CCDC88A: variants seen among roughly 807,000 people sequenced by gnomAD.
The protein encoded by CCDC88A is coiled-coil and HOOK domain protein 88A, also known as girdin.
A neutral mutation model predicts 234.3 loss-of-function variants in CCDC88A; 54 were observed. The observed-to-expected ratio is 0.23, with a 90% CI of 0.19 to 0.29. The LOEUF is 0.29. Among genes scored for constraint, CCDC88A ranks in the 10% least tolerant of loss-of-function variants. CCDC88A has a pLI of 1.00. For missense variants in CCDC88A, 1,832 were observed against 2,123.4 expected (o/e 0.86, Z 2.70); for synonymous variants, 753 against 737.8 (o/e 1.02, Z -0.33).
At position 55,372,458 on chromosome 2, in the gene CCDC88A, T is replaced by C. The variant is rs779549722; in HGVS notation, c.396A>G (p.Ala132=). The C allele has an allele frequency of 6.7e-7, 1 of 1,502,922 alleles. No individual in the cohort carries two copies. The highest frequency in any genetic ancestry group is 1.4e-5 in the African/African-American group (1 of 72,708). 93.1% of individuals were successfully genotyped at this position (1,502,922 alleles called of 1,614,324 possible). A position where few individuals can be genotyped will look rare whatever the true frequency, so the allele number is the denominator to read the frequency against. Residue 132 remains alanine, a synonymous_variant, in exon 5 of 33, where the codon GCA becomes GCG. Coordinates refer to ENST00000436346, the MANE Select transcript of CCDC88A (RefSeq NM_001365480.1). The part of the protein sequence containing the change: ...KKLLLLLLGC[A]VQCQKKEEFI... ...AAAAAATATTTTAACTTACCTGAACTGCACAACCCAATAAAAGTAAAAGCA... is the reference window on the plus strand; with the variant it reads ...AAAAAATATTTTAACTTACCTGAACCGCACAACCCAATAAAAGTAAAAGCA...
chr2:55,340,300 CT>C (rs1312586306), intron 12 of CCDC88A: 1 of 152,170 alleles, frequency 6.6e-6, no homozygotes, highest in Non-Finnish European at 1.5e-5. Flanking sequence ...AATAAAGGTA[CT>C]GGAGAGAATT....
chr2:55,300,073 T>G, intron 28 of CCDC88A, 154 bp from the exon 29 acceptor site: 1 of 602,824 alleles, frequency 1.7e-6, no homozygotes, highest in South Asian at 1.9e-5. Flanking sequence ...TTCCAGATAG[T>G]TCATTGAGAC....
Position 55,344,381 on chromosome 2 carries a change from T to G in CCDC88A, c.1175A>C (p.His392Pro). 1.9e-6 allele frequency: 3 copies of G among 1,580,136 alleles called. No individual in the cohort carries two copies. The highest frequency in any genetic ancestry group is 2.6e-6 in the Non-Finnish European group (3 of 1,163,614). The stretch of plus-strand genomic sequence containing the variant: ...CTTAAAACTTACCATTTCCATATCA[T>G]GAAGTTTAGCTTTCAGTTGTAAGTT... ...KENLQLKAKL[H>P]DMEMERDMDR... The change falls in exon 11 of 33, where the codon CAT becomes CCT. Residue 392 changes from histidine (H) to proline (P), a missense_variant. Around this residue, in one of 6 missense-constraint regions of CCDC88A, gnomAD observed 1,282 missense variants for 1,543.6 expected, o/e 0.83. Transcript: ENST00000436346.
At chr2:55,378,738 C>CTTTTT (rs79242911) in intron 3 of CCDC88A, among the ~76,000 whole-genome samples, 4 of 142,948 alleles carry the variant, frequency 2.8e-5, no homozygotes, top group Non-Finnish European at 6.1e-5. Context: ...TACACATATA[C>CTTTTT]TTTTTTTTTT....
intron 2 of CCDC88A, among the ~76,000 whole-genome samples, chr2:55,392,350 C>G (rs1676788597): frequency 6.6e-6 from 1 of 152,132 alleles, no homozygotes; most frequent in African/African-American, 2.4e-5. Flanking sequence ...TTGTCATATT[C>G]TGCATGAGCA....
chr2:55,381,419 G>A (rs903542200), intron 3 of CCDC88A, among the ~76,000 whole-genome samples: 8 of 151,956 alleles, frequency 5.3e-5, no homozygotes, highest in African/African-American at 1.9e-4. Flanking sequence ...CGGGTGTAGT[G>A]GCATGCGCCT....
intron 3 of CCDC88A, among the ~76,000 whole-genome samples, chr2:55,385,190 G>C (rs377028694): frequency 5.3e-5 from 8 of 151,998 alleles, no homozygotes; most frequent in African/African-American, 1.9e-4. Context: ...GACAGATCCA[G>C]ATCTGTACAT....
intron 17 of CCDC88A, among the ~76,000 whole-genome samples, chr2:55,326,589 G>T (rs907874986): frequency 3.3e-5 from 5 of 152,070 alleles, no homozygotes; most frequent in African/African-American, 7.2e-5. Context: ...TTGAGACAGG[G>T]TCTCACTCTG....
At chr2:55,383,893 T>C (rs971480469) in intron 3 of CCDC88A, among the ~76,000 whole-genome samples, 2 of 152,136 alleles carry the variant, frequency 1.3e-5, no homozygotes, top group Middle Eastern at 3.2e-3. Context: ...GTCTATTAAC[T>C]GTATATATAA....
chr2:55,302,403 A>ATTC (rs1681003391), intron 26 of CCDC88A, among the ~76,000 whole-genome samples: 1 of 152,230 alleles, frequency 6.6e-6, no homozygotes, highest in Non-Finnish European at 1.5e-5. Context: ...TTTTGTGGTG[A>ATTC]CAAAAATGGA....
intron 22 of CCDC88A, chr2:55,312,956 G>A (rs1558648548): frequency 6.0e-6 from 1 of 167,718 alleles, no homozygotes; most frequent in African/African-American, 2.4e-5. Context: ...TCTATGAAAT[G>A]AGGATAGCTC....
At chr2:55,372,584 T>A (rs1255813808) in intron 4 of CCDC88A, 74 bp from the exon 5 acceptor site, 1 of 738,108 alleles carries the variant, frequency 1.4e-6, no homozygotes, top group Non-Finnish European at 2.3e-6. Flanking sequence ...GAATCACTTC[T>A]AGAGGTAATT....
chr2:55,371,085 G>A (rs931110392), intron 5 of CCDC88A, among the ~76,000 whole-genome samples: 1 of 152,024 alleles, frequency 6.6e-6, no homozygotes, highest in Non-Finnish European at 1.5e-5. Flanking sequence ...GCAATAACCA[G>A]CAATAAAAAC....
At chr2:55,388,099 A>G (rs1301550253) in intron 3 of CCDC88A, among the ~76,000 whole-genome samples, 4 of 152,216 alleles carry the variant, frequency 2.6e-5, no homozygotes, top group African/African-American at 4.8e-5. Flanking sequence ...TCAAGCACAC[A>G]TAGAACTTTA....
intron 17 of CCDC88A, among the ~76,000 whole-genome samples, chr2:55,326,771 ATG>A (rs2104660331): frequency 6.6e-6 from 1 of 152,254 alleles, no homozygotes; most frequent in South Asian, 2.1e-4. Context: ...GGGTTTCACC[ATG>A]TCAGCAAGGC....
At chr2:55,352,451 C>CA (rs144133002) in intron 8 of CCDC88A, among the ~76,000 whole-genome samples, 10,114 of 150,126 alleles carry the variant, frequency 0.067, 1,100 homozygotes, top group African/African-American at 0.22. Context: ...CAAAAAAACA[C>CA]AAAAAAACAA....
Position 55,309,190 on chromosome 2 carries a change from T to G in CCDC88A, c.4144A>C (p.Lys1382Gln). The change falls in exon 24 of 33, where the codon AAA becomes CAA. Residue 1382 changes from lysine (K) to glutamine (Q), a missense_variant. Coordinates refer to ENST00000436346, the MANE Select transcript of CCDC88A (RefSeq NM_001365480.1). This position sits in a 1 kb window ranked among gnomAD's most constrained non-coding sequence, Gnocchi z 5.1. ...CTAGGAGGAGATGGGTCATAAAATT[T>G]GTATTGATCCATAATTTTCTCTTCT... ...KLEEKIMDQY[K>Q]FYDPSPPRRR... 2.6e-6 allele frequency: 4 copies of G among 1,562,406 alleles called. No homozygotes were observed. The highest frequency in any genetic ancestry group is 3.5e-6 in the Non-Finnish European group (4 of 1,140,612).
At chr2:55,410,976 G>A (rs1333565382) in intron 2 of CCDC88A, among the ~76,000 whole-genome samples, 5 of 151,906 alleles carry the variant, frequency 3.3e-5, no homozygotes, top group African/African-American at 2.4e-5. Flanking sequence ...AACATTTAAA[G>A]TAATTTTCCA....
intron 2 of CCDC88A, among the ~76,000 whole-genome samples, chr2:55,400,277 C>G (rs1473753569): frequency 1.3e-5 from 2 of 152,118 alleles, no homozygotes; most frequent in Non-Finnish European, 2.9e-5. Context: ...AGCTACTGAA[C>G]AATATACATG....
Sources: gnomAD v4.1 joint callset for allele counts (sites outside exome capture counted in the v4.1 genomes callset) on GRCh38, gnomAD v4.1.1 for gene constraint, gnomAD v4.1.1 regional missense constraint, Gnocchi (gnomAD v3.1) non-coding constraint, MANE v1.5 for transcripts, NCBI Gene and HGNC (gene_info 2026-07-23, HGNC 2026-07-21) for gene names.